The following STRBP variants were observed in gnomAD, a reference collection of about 807,000 sequenced individuals.
The protein encoded by STRBP is spermatid perinuclear RNA binding protein.
In STRBP, 13 loss-of-function variants were observed where a neutral mutation model predicts 80.1. The observed-to-expected ratio is 0.16, with a 90% confidence interval of 0.11 to 0.26. The LOEUF (loss-of-function observed/expected upper bound fraction) is 0.26. Among genes scored for constraint, STRBP ranks in the 10% least tolerant of loss-of-function variants. STRBP has a pLI of 1.00. For missense variants in STRBP, 485 were observed against 815.2 expected, an observed-to-expected ratio of 0.59 and a Z score of 4.93; for synonymous variants, 284 against 291.2, an observed-to-expected ratio of 0.98 and a Z score of 0.25.
chr9:123,113,987 G>C (rs1448121685), intron 3 of STRBP: 1 of 167,250 alleles, frequency 6.0e-6, no homozygotes, highest in East Asian at 1.9e-4. Flanking sequence ...GAAAGGATTT[G>C]TGGACACAGG....
intron 12 of STRBP, among the ~76,000 whole-genome samples, chr9:123,147,274 C>T (rs2036851250): frequency 6.6e-6 from 1 of 152,054 alleles, no homozygotes; most frequent in Non-Finnish European, 1.5e-5. Flanking sequence ...TTTCGCTTGT[C>T]AATATAAATG....
At chr9:123,119,383 ACCCCCCG>A (rs2035694357), downstream of STRBP, among the ~76,000 whole-genome samples, 4 of 87,424 alleles carry the variant, frequency 4.6e-5, 1 homozygote. Context: ...CTTAAATCCC[ACCCCCCG>A]CCCCCCGCCA....
chr9:123,115,639 ATC>A lies in STRBP; in HGVS notation c.*84+288_*84+289del, dbSNP rs1163544839. On this transcript the variant is annotated intron_variant and NMD_transcript_variant, in intron 3 of 3. Transcript: ENST00000471564. This position sits in a 1 kb window ranked among gnomAD's most constrained non-coding sequence, Gnocchi z 5.0. ...GACAGTGAATGGTTTTTCTCAATAAATCTACGTGCCCAAGAAGGGAGACATGG... is the reference window on the plus strand; with the variant it reads ...GACAGTGAATGGTTTTTCTCAATAAATACGTGCCCAAGAAGGGAGACATGG... 2 of 336,208 alleles carry A rather than the reference ATC, an allele frequency of 5.9e-6. No individual in the cohort carries two copies. The highest frequency in any genetic ancestry group is 1.2e-5 in the Non-Finnish European group (2 of 170,594). 20.8% of individuals were successfully genotyped at this position (336,208 alleles called of 1,614,324 possible).
At chr9:123,229,601 T>C (rs1036669636) in intron 2 of STRBP, among the ~76,000 whole-genome samples, 10 of 152,212 alleles carry the variant, frequency 6.6e-5, no homozygotes, top group African/African-American at 2.4e-4. Flanking sequence ...CCTTGAGTAG[T>C]TGATAGAGGA....
intron 1 of STRBP, among the ~76,000 whole-genome samples, chr9:123,246,252 T>A (rs888879613): frequency 5.3e-5 from 8 of 152,228 alleles, no homozygotes; most frequent in Non-Finnish European, 4.4e-5. Flanking sequence ...TCCAACTGCA[T>A]GTGAAAAGGC....
At chr9:123,145,847 G>A (rs1007403029) in intron 13 of STRBP, among the ~76,000 whole-genome samples, 3 of 152,102 alleles carry the variant, frequency 2.0e-5, no homozygotes, top group African/African-American at 4.8e-5. Flanking sequence ...TGAAGACAGA[G>A]CATAAGTAAT....
At chr9:123,146,712 T>C (rs1368028246) in intron 13 of STRBP, 143 bp downstream of exon 13, 4 of 731,354 alleles carry the variant, frequency 5.5e-6, no homozygotes, top group Non-Finnish European at 7.9e-6. Context: ...AAAACAACTT[T>C]GTTATCCAGA....
At chr9:123,225,984 T>C (rs528258008) in intron 2 of STRBP, among the ~76,000 whole-genome samples, 49 of 152,332 alleles carry the variant, frequency 3.2e-4, no homozygotes, top group African/African-American at 1.0e-3. Flanking sequence ...AAAATGTTTA[T>C]AGCAAATTTA....
At chr9:123,251,278 C>A (rs879704538) in intron 1 of STRBP, among the ~76,000 whole-genome samples, 1 of 152,044 alleles carries the variant, frequency 6.6e-6, no homozygotes, top group Non-Finnish European at 1.5e-5. Context: ...TACAAGAGAA[C>A]GGACGGCACT....
In STRBP at chr9:123,122,180, TAA is replaced by T; in HGVS notation, c.*3415_*3416del. On this transcript the variant is annotated 3_prime_UTR_variant, in exon 19 of 19. Coordinates refer to ENST00000348403, the MANE Select transcript of STRBP (RefSeq NM_018387.5). ...ACTATTTTTCTCTTTAATCAGAAAA[TAA>T]AAGAGCTTACCTTTGTATACTGAGA... 2.2e-6 allele frequency: 1 copy of T among 463,062 alleles called. No homozygotes were observed. The highest frequency in any genetic ancestry group is 3.3e-6 in the Non-Finnish European group (1 of 299,366). The allele number at this position is 463,062 out of a possible 1,614,324, so 28.7% of individuals were successfully genotyped here. A position where few individuals can be genotyped will look rare whatever the true frequency, so the allele number is the denominator to read the frequency against.
At chr9:123,154,731 G>C (rs536784972) in intron 11 of STRBP, among the ~76,000 whole-genome samples, 1 of 152,176 alleles carries the variant, frequency 6.6e-6, no homozygotes, top group Non-Finnish European at 1.5e-5. Context: ...CGTGAAGGTC[G>C]CAAGGGATAC....
intron 2 of STRBP, among the ~76,000 whole-genome samples, chr9:123,230,327 A>C (rs2040362637): frequency 1.3e-5 from 2 of 152,214 alleles, no homozygotes; most frequent in South Asian, 4.1e-4. Flanking sequence ...TATAATTATC[A>C]CGTAACTTGA....
rs765733445 is a variant in STRBP, at chr9:123,159,082, T to C, written c.835+14A>G. On this transcript the variant is annotated intron_variant, in intron 9 of 18. Coordinates refer to ENST00000348403, the MANE Select transcript of STRBP (RefSeq NM_018387.5). ...TTTGCTGATTGTTCTGCTTCCAGAG[T>C]TTGAAACCCTTACCAGGAAGTAGTA... is the stretch of plus-strand genomic sequence containing the variant. The C allele has an allele frequency of 6.3e-7, 1 of 1,597,374 alleles. No individual in the cohort carries two copies. Among genetic ancestry groups the C allele is most frequent in the Non-Finnish European group, 8.6e-7 (1 of 1,165,100 alleles).
At chr9:123,162,544 C>T (rs2037565881) in intron 6 of STRBP, among the ~76,000 whole-genome samples, 1 of 152,076 alleles carries the variant, frequency 6.6e-6, no homozygotes, top group Admixed American at 6.6e-5. Flanking sequence ...GATGAAATGT[C>T]ATTAAAAAAG....
At chr9:123,245,578 T>TC (rs1222171394) in intron 1 of STRBP, among the ~76,000 whole-genome samples, 1 of 152,178 alleles carries the variant, frequency 6.6e-6, no homozygotes, top group Non-Finnish European at 1.5e-5. Context: ...AGATGGGGTT[T>TC]CACTGTGTTA....
At chr9:123,158,216 C>T (rs1252923180) in intron 10 of STRBP, 93 bp from the exon 11 acceptor site, 6 of 1,474,746 alleles carry the variant, frequency 4.1e-6, no homozygotes, top group Admixed American at 1.7e-5. Flanking sequence ...TAAATTCTGA[C>T]ATTATAACAG....
intron 1 of STRBP, among the ~76,000 whole-genome samples, chr9:123,252,519 A>G (rs2040938643): frequency 6.6e-6 from 1 of 152,242 alleles, no homozygotes; most frequent in South Asian, 2.1e-4. Context: ...GCAATGTGTA[A>G]TATTTGAGCC....
intron 6 of STRBP, among the ~76,000 whole-genome samples, chr9:123,169,450 C>G (rs187827168): frequency 3.9e-5 from 6 of 152,224 alleles, no homozygotes; most frequent in African/African-American, 1.2e-4. Flanking sequence ...GGATTACAGG[C>G]ATGAGCGACC....
At chr9:123,173,594 T>C in intron 5 of STRBP, 83 bp downstream of exon 5, 1 of 1,437,048 alleles carries the variant, frequency 7.0e-7, no homozygotes, top group Non-Finnish European at 9.4e-7. Context: ...CTATTAGCAA[T>C]TCTGGTTAAT....
Sources: allele counts gnomAD v4.1 joint callset (sites outside exome capture counted in the v4.1 genomes callset), GRCh38; gene constraint gnomAD v4.1.1; non-coding constraint Gnocchi (gnomAD v3.1); transcripts MANE v1.5; gene names NCBI Gene and HGNC (gene_info 2026-07-23, HGNC 2026-07-21).